CTNNA3: variants seen among roughly 807,000 people sequenced by gnomAD.
The protein encoded by CTNNA3 is catenin alpha 3.
CTNNA3 carries 76 observed loss-of-function variants against 95.7 expected under a neutral mutation model. The observed-to-expected ratio is 0.79, with a 90% CI of 0.66 to 0.96. The LOEUF (loss-of-function observed/expected upper bound fraction) is 0.96. Ranked by LOEUF, CTNNA3 falls within the 40% of genes least tolerant of loss-of-function variation. The pLI, the probability that CTNNA3 is intolerant of heterozygous loss-of-function variation, is 0.00. For missense variants in CTNNA3, 1,191 were observed against 1,089.8 expected (o/e 1.09, Z -1.31); for synonymous variants, 431 against 374.4 (o/e 1.15, Z -1.74).
At chr10:67,114,066 G>A (rs1020213263) in intron 7 of CTNNA3, among the ~76,000 whole-genome samples, 5 of 140,558 alleles carry the variant, frequency 3.6e-5, no homozygotes, top group African/African-American at 7.7e-5. Context: ...CTGGGTGACA[G>A]GGGGAGAACT....
intron 5 of CTNNA3, among the ~76,000 whole-genome samples, chr10:67,432,472 G>T (rs779192843): frequency 6.6e-6 from 1 of 151,974 alleles, no homozygotes; most frequent in Non-Finnish European, 1.5e-5. Flanking sequence ...ATAGAGAGAT[G>T]CTGTAAGAGA....
At chr10:66,832,230 C>A (rs1382030456) in intron 7 of CTNNA3, among the ~76,000 whole-genome samples, 3 of 152,120 alleles carry the variant, frequency 2.0e-5, no homozygotes, top group Non-Finnish European at 2.9e-5. Context: ...GTTATTCTTA[C>A]AAAGAGAGGT....
chr10:66,389,090 GA>G (rs200955883), intron 11 of CTNNA3, among the ~76,000 whole-genome samples: 2 of 151,706 alleles, frequency 1.3e-5, no homozygotes, highest in Non-Finnish European at 2.9e-5. Flanking sequence ...TTTTAGGAAA[GA>G]AAAAAAATGC....
At chr10:67,012,579 C>T (rs1037753408) in intron 7 of CTNNA3, among the ~76,000 whole-genome samples, 1 of 152,084 alleles carries the variant, frequency 6.6e-6, no homozygotes, top group African/African-American at 2.4e-5. Context: ...AAACATAAAA[C>T]CTACTTGCTT....
Position 66,280,622 on chromosome 10 carries a change from C to G in CTNNA3, c.1733-1G>C, listed in dbSNP as rs193155648. The G allele has an allele frequency of 2.4e-5, 39 of 1,601,282 alleles. No homozygotes were observed. The highest frequency in any genetic ancestry group is 3.1e-5 in the Non-Finnish European group (37 of 1,175,066). ...ACTTGTGTTACAAATTCAGGAATTA[C>G]TGTTAAAATAAAGAATAAGGAGAAG... On this transcript the variant is annotated splice_acceptor_variant, in intron 12 of 17. Coordinates refer to ENST00000433211, the MANE Select transcript of CTNNA3 (RefSeq NM_013266.4). LOFTEE classifies it high-confidence loss of function.
intron 12 of CTNNA3, among the ~76,000 whole-genome samples, chr10:66,297,162 T>C (rs1362209756): frequency 1.3e-5 from 2 of 152,096 alleles, no homozygotes; most frequent in Non-Finnish European, 2.9e-5. Flanking sequence ...GCAGTAGATG[T>C]GGGGGGTTGG....
At chr10:66,668,971 C>T (rs1021757666) in intron 9 of CTNNA3, among the ~76,000 whole-genome samples, 2 of 151,810 alleles carry the variant, frequency 1.3e-5, no homozygotes, top group African/African-American at 4.8e-5. Flanking sequence ...CATTTGTGTG[C>T]TATTTGATGG....
intron 7 of CTNNA3, among the ~76,000 whole-genome samples, chr10:67,062,869 G>A (rs1251817014): frequency 6.6e-6 from 1 of 152,186 alleles, no homozygotes; most frequent in African/African-American, 2.4e-5. Context: ...TGAAGTTTGT[G>A]TGGGCTTCTG....
intron 5 of CTNNA3, among the ~76,000 whole-genome samples, chr10:67,244,858 GC>G (rs1171950034): frequency 1.3e-5 from 2 of 152,056 alleles, no homozygotes; most frequent in African/African-American, 4.8e-5. Context: ...GTGCCCCTCA[GC>G]CCACTATTCT....
rs1321492177 is a variant in CTNNA3, at chr10:66,646,827, G to A, written c.1282-25043C>T. Among the ~76,000 whole-genome samples the A allele has an allele frequency of 4.6e-5, 7 of 152,076 alleles. No individual in the cohort carries two copies. In the South Asian group the frequency reaches 6.2e-4, roughly 14 times the overall value. On this transcript the variant is annotated intron_variant, in intron 9 of 17. Coordinates refer to ENST00000433211, the MANE Select transcript of CTNNA3 (RefSeq NM_013266.4). ...TGTGCTAACCAATCTAAAAGCATTTGTGACTGAAGTAGTGGAAACTCTGAA... is the reference window on the plus strand; with the variant it reads ...TGTGCTAACCAATCTAAAAGCATTTATGACTGAAGTAGTGGAAACTCTGAA...
intron 11 of CTNNA3, among the ~76,000 whole-genome samples, chr10:66,398,678 T>A (rs1240777059): frequency 6.6e-6 from 1 of 151,912 alleles, no homozygotes; most frequent in Non-Finnish European, 1.5e-5. Context: ...TTTTTTTTAG[T>A]GCTAAGACTA....
intron 12 of CTNNA3, among the ~76,000 whole-genome samples, chr10:66,377,142 A>G (rs978914983): frequency 6.6e-6 from 1 of 152,300 alleles, no homozygotes. Flanking sequence ...AAAAATGGAA[A>G]GCTTTTTCAA....
At chr10:66,476,997 T>C (rs1198303543) in intron 11 of CTNNA3, among the ~76,000 whole-genome samples, 1 of 152,140 alleles carries the variant, frequency 6.6e-6, no homozygotes, top group Non-Finnish European at 1.5e-5. Context: ...TAACTCTTTC[T>C]CCAAATAAAT....
At chr10:67,050,752 A>G (rs1480334351) in intron 7 of CTNNA3, among the ~76,000 whole-genome samples, 1 of 152,216 alleles carries the variant, frequency 6.6e-6, no homozygotes, top group Admixed American at 6.5e-5. Context: ...CAAATTATTT[A>G]CTTCGATTTG....
At chr10:66,363,838 G>A (rs2092693526) in intron 12 of CTNNA3, among the ~76,000 whole-genome samples, 2 of 152,064 alleles carry the variant, frequency 1.3e-5, no homozygotes, top group South Asian at 2.1e-4. Flanking sequence ...CAACAATAAT[G>A]TTAATAACTT....
At chr10:67,105,534 G>A (rs1367197129) in intron 7 of CTNNA3, among the ~76,000 whole-genome samples, 1 of 152,000 alleles carries the variant, frequency 6.6e-6, no homozygotes, top group Admixed American at 6.6e-5. Context: ...ATCTGTTCTT[G>A]CTGTTTTACA....
intron 11 of CTNNA3, among the ~76,000 whole-genome samples, chr10:66,448,902 T>C (rs930770819): frequency 1.3e-5 from 2 of 152,098 alleles, no homozygotes; most frequent in East Asian, 3.9e-4. Context: ...TCATTTAATC[T>C]GCTTTTATAT....
intron 7 of CTNNA3, among the ~76,000 whole-genome samples, chr10:67,084,563 C>T (rs1474352318): frequency 1.3e-5 from 2 of 151,862 alleles, no homozygotes; most frequent in African/African-American, 4.8e-5. Flanking sequence ...AGAAAATTTC[C>T]TGATCCTACA....
chr10:66,235,615 T>C (rs1194246560), intron 13 of CTNNA3, among the ~76,000 whole-genome samples: 1 of 152,124 alleles, frequency 6.6e-6, no homozygotes, highest in African/African-American at 2.4e-5. Flanking sequence ...TTTAAGTATA[T>C]TTGTAGAATT....
Sources: allele counts gnomAD v4.1 joint callset (sites outside exome capture counted in the v4.1 genomes callset), GRCh38; gene constraint gnomAD v4.1.1; transcripts MANE v1.5; gene names NCBI Gene and HGNC (gene_info 2026-07-23, HGNC 2026-07-21).